CEP112: variants seen among roughly 807,000 people sequenced by gnomAD.
The protein encoded by CEP112 is centrosomal protein of 112 kDa.
Under a neutral mutation model 153.0 loss-of-function variants are expected in CEP112, and 127 were observed. The observed-to-expected ratio is 0.83, with a 90% CI of 0.72 to 0.96. CEP112 has a LOEUF of 0.96. CEP112 is among the 40% of genes least tolerant of loss of function. CEP112 has a pLI of 0.00. For synonymous variants in CEP112, 358 were observed against 374.4 expected (o/e 0.96, Z 0.51); for missense variants, 1,089 against 1,101.2 (o/e 0.99, Z 0.16).
chr17:65,990,655 C>G (rs2063561823), intron 17 of CEP112, among the ~76,000 whole-genome samples: 1 of 152,256 alleles, frequency 6.6e-6, no homozygotes, highest in Non-Finnish European at 1.5e-5. Context: ...GCCTTGCCAC[C>G]ACAAGCTGGA....
intron 17 of CEP112, among the ~76,000 whole-genome samples, chr17:65,998,063 G>A (rs1449360950): frequency 6.6e-6 from 1 of 152,070 alleles, no homozygotes; most frequent in Non-Finnish European, 1.5e-5. Context: ...TGCCATGAGA[G>A]ATCTTTTTGG....
intron 20 of CEP112, among the ~76,000 whole-genome samples, chr17:65,899,879 G>A (rs897247153): frequency 2.0e-5 from 3 of 152,064 alleles, no homozygotes; most frequent in African/African-American, 2.4e-5. Flanking sequence ...TATTTAATAC[G>A]TTTGTTCTGC....
At chr17:65,964,586 G>C (rs964405372) in intron 17 of CEP112, among the ~76,000 whole-genome samples, 1 of 152,206 alleles carries the variant, frequency 6.6e-6, no homozygotes, top group Admixed American at 6.5e-5. Flanking sequence ...GACCTGGCTT[G>C]GCAAATAGAT....
chr17:65,658,155 A>G (rs2046153580), intron 24 of CEP112, among the ~76,000 whole-genome samples: 1 of 152,248 alleles, frequency 6.6e-6, no homozygotes, highest in Non-Finnish European at 1.5e-5. Context: ...TAGAGAAGGA[A>G]ACAGGTACAC....
intron 11 of CEP112, among the ~76,000 whole-genome samples, chr17:66,055,466 A>C (rs1388135742): frequency 6.6e-6 from 1 of 152,178 alleles, no homozygotes; most frequent in Non-Finnish European, 1.5e-5. Flanking sequence ...AATGCACCCA[A>C]ATCTCAGTGC....
intron 8 of CEP112, among the ~76,000 whole-genome samples, chr17:66,086,723 T>A (rs2030676966): frequency 6.6e-6 from 1 of 152,006 alleles, no homozygotes; most frequent in Admixed American, 6.6e-5. Context: ...GGAAAACATA[T>A]GTTTATAGAA....
chr17:66,049,802 T>A (rs1472825479), intron 12 of CEP112, among the ~76,000 whole-genome samples: 1 of 151,798 alleles, frequency 6.6e-6, no homozygotes, highest in African/African-American at 2.4e-5. Flanking sequence ...TAAAAAATAA[T>A]CACTGAAATA....
chr17:65,974,730 C>T (rs562348759), intron 17 of CEP112, among the ~76,000 whole-genome samples: 42 of 152,154 alleles, frequency 2.8e-4, no homozygotes, highest in African/African-American at 9.4e-4. Flanking sequence ...CCATGCCTTT[C>T]GTGTAAGGAG....
chr17:65,831,556 CAAA>C (rs773211558), intron 21 of CEP112, among the ~76,000 whole-genome samples: 2 of 87,366 alleles, frequency 2.3e-5, no homozygotes, highest in Non-Finnish European at 2.3e-5. Flanking sequence ...GACTCCTTCT[CAAA>C]AAAAAAAAAA....
At chr17:66,033,325 A>G (rs974544995) in intron 12 of CEP112, among the ~76,000 whole-genome samples, 6 of 152,230 alleles carry the variant, frequency 3.9e-5, no homozygotes, top group Admixed American at 6.5e-5. Flanking sequence ...GAAGAATGCC[A>G]AGACATAAGT....
At chr17:65,677,511 C>T (rs1247080612) in intron 24 of CEP112, among the ~76,000 whole-genome samples, 1 of 152,174 alleles carries the variant, frequency 6.6e-6, no homozygotes, top group Non-Finnish European at 1.5e-5. Flanking sequence ...CTACATGGAA[C>T]ATACATTTAA....
intron 22 of CEP112, among the ~76,000 whole-genome samples, chr17:65,749,521 TAAATA>T (rs914998702): frequency 6.6e-6 from 1 of 151,338 alleles, no homozygotes; most frequent in African/African-American, 2.4e-5. Context: ...AAAAAATAAA[TAAATA>T]AAATAAAATA....
chr17:65,997,541 T>G (rs917918778), intron 17 of CEP112, among the ~76,000 whole-genome samples: 1 of 152,218 alleles, frequency 6.6e-6, no homozygotes, highest in African/African-American at 2.4e-5. Context: ...TGAGGAATCC[T>G]CAGACACGTT....
At chr17:65,884,361 T>C (rs543176092) in intron 20 of CEP112, among the ~76,000 whole-genome samples, 7 of 152,242 alleles carry the variant, frequency 4.6e-5, no homozygotes, top group Admixed American at 4.6e-4. Context: ...GACTAGCTAG[T>C]CAGGGTAATA....
At chr17:66,081,557 T>C (rs7219907) in intron 8 of CEP112, among the ~76,000 whole-genome samples, 151,651 of 151,914 alleles carry the variant, frequency 1, 75,695 homozygotes, top group East Asian at 1. Context: ...TCAATAACTG[T>C]GGCTTTCTTT....
At chr17:66,094,696 A>G (rs2068269608) in intron 8 of CEP112, among the ~76,000 whole-genome samples, 1 of 152,150 alleles carries the variant, frequency 6.6e-6, no homozygotes, top group Admixed American at 6.5e-5. Context: ...GGAAACAATC[A>G]ACAGAGTAAA....
intron 24 of CEP112, among the ~76,000 whole-genome samples, chr17:65,650,506 G>T (rs999562186): frequency 1.2e-4 from 19 of 152,002 alleles, no homozygotes; most frequent in African/African-American, 4.6e-4. Context: ...AGCTGCCTCT[G>T]CTTGCTGCTG....
chr17:65,637,329 T>C (rs1331692137), intron 25 of CEP112, 141 bp from the exon 26 acceptor site: 2 of 670,144 alleles, frequency 3.0e-6, no homozygotes, highest in East Asian at 5.4e-5. Context: ...AATGTTGTGT[T>C]TTTTACATTT....
intron 20 of CEP112, among the ~76,000 whole-genome samples, chr17:65,864,011 C>A (rs923007957): frequency 6.6e-6 from 1 of 150,898 alleles, no homozygotes; most frequent in Non-Finnish European, 1.5e-5. Context: ...ACAGGGGGCA[C>A]GCACCTGTAG....
Sources: gnomAD v4.1 joint callset for allele counts (sites outside exome capture counted in the v4.1 genomes callset) on GRCh38, gnomAD v4.1.1 for gene constraint, MANE v1.5 for transcripts, NCBI Gene and HGNC (gene_info 2026-07-23, HGNC 2026-07-21) for gene names.